The following KCNQ3 variants were observed in gnomAD, a reference collection of about 807,000 sequenced individuals.
KCNQ3 encodes the protein potassium voltage-gated channel subfamily Q member 3, also known as potassium voltage-gated channel subfamily KQT member 3.
A neutral mutation model predicts 92.5 loss-of-function variants in KCNQ3; 30 were observed. The ratio of observed to expected loss-of-function variants is 0.32; its 90% confidence interval spans 0.24 to 0.44. The LOEUF (loss-of-function observed/expected upper bound fraction) is 0.44, where lower values mean the gene tolerates loss of function less well. KCNQ3 is among the 20% of genes least tolerant of loss of function. The pLI is 1.00. For synonymous variants in KCNQ3, 450 were observed against 468.8 expected (o/e 0.96, Z 0.52); for missense variants, 913 against 1,140.3 (o/e 0.80, Z 2.87).
At chr8:132,349,181 G>C (rs1281309133) in intron 1 of KCNQ3, among the ~76,000 whole-genome samples, 1 of 152,190 alleles carries the variant, frequency 6.6e-6, no homozygotes, top group Non-Finnish European at 1.5e-5. Context: ...CTGATGCTCA[G>C]GGAGGTGAAG....
intron 1 of KCNQ3, among the ~76,000 whole-genome samples, chr8:132,387,900 C>T (rs1819929969): frequency 6.6e-6 from 1 of 151,532 alleles, no homozygotes; most frequent in Non-Finnish European, 1.5e-5. Context: ...GAGCCATGAT[C>T]GCCTCACTAT....
chr8:132,480,098 TCCCCAAGCGCGCCGC>T (rs777433125), intron 1 of KCNQ3, 34 bp downstream of exon 1: 51 of 1,570,454 alleles, frequency 3.2e-5, no homozygotes, highest in Non-Finnish European at 4.1e-5. Context: ...CGACCCCAAG[TCCCCAAGCGCGCCGC>T]CGCCGAGGGC....
At chr8:132,339,354 C>T (rs1360815335) in intron 1 of KCNQ3, among the ~76,000 whole-genome samples, 2 of 151,950 alleles carry the variant, frequency 1.3e-5, no homozygotes, top group Non-Finnish European at 2.9e-5. Flanking sequence ...TCTAGAGGAC[C>T]CCCTCACCCT....
intron 9 of KCNQ3, among the ~76,000 whole-genome samples, chr8:132,145,189 A>G (rs1411368322): frequency 6.6e-6 from 1 of 152,234 alleles, no homozygotes; most frequent in Non-Finnish European, 1.5e-5. Flanking sequence ...GCTGAGGTTG[A>G]AAAACTGAAT....
chr8:132,336,825 T>A (rs1466562303), intron 1 of KCNQ3, among the ~76,000 whole-genome samples: 2 of 152,188 alleles, frequency 1.3e-5, no homozygotes, highest in African/African-American at 4.8e-5. Context: ...TCTAAAATGA[T>A]CATAGGCACA....
intron 1 of KCNQ3, among the ~76,000 whole-genome samples, chr8:132,264,713 C>T (rs778650813): frequency 1.3e-5 from 2 of 152,050 alleles, no homozygotes; most frequent in African/African-American, 4.8e-5. Context: ...AATCCGTGCT[C>T]TATCTCTGTC....
chr8:132,417,337 A>G (rs55641670), intron 1 of KCNQ3, among the ~76,000 whole-genome samples: 50,814 of 152,006 alleles, frequency 0.33, 9,018 homozygotes, highest in African/African-American at 0.44. Flanking sequence ...GTGGCCCACA[A>G]CAGCCCAACA....
intron 1 of KCNQ3, among the ~76,000 whole-genome samples, chr8:132,231,946 T>A (rs1814658878): frequency 1.3e-5 from 2 of 152,190 alleles, no homozygotes; most frequent in African/African-American, 4.8e-5. Context: ...CCAGGCACTG[T>A]GCTTAACACT....
At chr8:132,297,579 G>A (rs938763186) in intron 1 of KCNQ3, among the ~76,000 whole-genome samples, 15 of 121,976 alleles carry the variant, frequency 1.2e-4, no homozygotes, top group African/African-American at 4.2e-4. Flanking sequence ...TGTCATAAAT[G>A]TACTCTAAAT....
At chr8:132,343,804 A>G (rs1348446827) in intron 1 of KCNQ3, among the ~76,000 whole-genome samples, 1 of 152,014 alleles carries the variant, frequency 6.6e-6, no homozygotes, top group African/African-American at 2.4e-5. Context: ...TCCAGTTTCT[A>G]TAGTGTGCAG....
At chr8:132,413,985 A>C (rs1586998538) in intron 1 of KCNQ3, among the ~76,000 whole-genome samples, 1 of 152,128 alleles carries the variant, frequency 6.6e-6, no homozygotes, top group African/African-American at 2.4e-5. Flanking sequence ...TCCTGAGGAG[A>C]CGCCCGCCCC....
At chr8:132,350,424 G>A (rs1466313) in intron 1 of KCNQ3, among the ~76,000 whole-genome samples, 27,726 of 151,872 alleles carry the variant, frequency 0.18, 3,237 homozygotes, top group African/African-American at 0.34. Flanking sequence ...GGGTTTACAG[G>A]TAAGATCCCG....
At chr8:132,193,378 G>A (rs1431353999) in intron 1 of KCNQ3, among the ~76,000 whole-genome samples, 1 of 152,234 alleles carries the variant, frequency 6.6e-6, no homozygotes. Context: ...GCTGCACGTG[G>A]CTCTAAAGCG....
At chr8:132,232,594 T>C (rs567435115) in intron 1 of KCNQ3, among the ~76,000 whole-genome samples, 1 of 152,246 alleles carries the variant, frequency 6.6e-6, no homozygotes, top group East Asian at 1.9e-4. Context: ...AGTGGGCACA[T>C]AGTAAGCACT....
chr8:132,179,224 T>C (rs1826669524), intron 4 of KCNQ3, among the ~76,000 whole-genome samples: 1 of 151,638 alleles, frequency 6.6e-6, no homozygotes, highest in Non-Finnish European at 1.5e-5. Flanking sequence ...ACACAAGCAG[T>C]ACCATGAATC....
intron 1 of KCNQ3, among the ~76,000 whole-genome samples, chr8:132,451,215 G>A (rs1563916849): frequency 6.6e-6 from 1 of 152,212 alleles, no homozygotes. Flanking sequence ...TGTCTTGCCT[G>A]CTGCCATGTA....
intron 9 of KCNQ3, among the ~76,000 whole-genome samples, chr8:132,149,194 T>C (rs1170765687): frequency 6.6e-6 from 1 of 152,240 alleles, no homozygotes; most frequent in Non-Finnish European, 1.5e-5. Flanking sequence ...AGGAGGCAGA[T>C]GAGGGGGAAG....
intron 9 of KCNQ3, among the ~76,000 whole-genome samples, chr8:132,161,174 C>A (rs982776076): frequency 2.0e-5 from 3 of 152,148 alleles, no homozygotes; most frequent in African/African-American, 7.2e-5. Flanking sequence ...TTTCCAATAA[C>A]CTGACTGGAA....
At chr8:132,395,880 C>G (rs116854243) in intron 1 of KCNQ3, among the ~76,000 whole-genome samples, 18 of 152,328 alleles carry the variant, frequency 1.2e-4, no homozygotes, top group Non-Finnish European at 2.4e-4. Context: ...CATGGGAACA[C>G]GAACTGGCCC....
Sources: gnomAD v4.1 joint callset for allele counts (sites outside exome capture counted in the v4.1 genomes callset) on GRCh38, gnomAD v4.1.1 for gene constraint, MANE v1.5 for transcripts, NCBI Gene and HGNC (gene_info 2026-07-23, HGNC 2026-07-21) for gene names.